IL7: variants seen among roughly 807,000 people sequenced by gnomAD.
IL7 encodes interleukin 7, also known as interleukin-7.
Under a neutral mutation model 21.6 loss-of-function variants are expected in IL7, and 3 were observed. The observed-to-expected ratio is 0.14, with a 90% confidence interval of 0.06 to 0.36. The LOEUF (loss-of-function observed/expected upper bound fraction) is 0.36. Ranked by LOEUF, IL7 falls within the 10% of genes least tolerant of loss-of-function variation. IL7 has a pLI of 1.00. For missense variants in IL7, 175 were observed against 200.2 expected (o/e 0.87, Z 0.76); for synonymous variants, 62 against 68.1 (o/e 0.91, Z 0.44).
rs1170163516 is a variant in IL7, at chr8:78,802,290, T to C, written c.10+2623A>G. ...CAGTGTTTACTGAATGTCCATTGCA[T>C]AGACCTATTTTCACTGATAATTTAA... On this transcript the variant is annotated intron_variant, in intron 1 of 5. Transcript: ENST00000263851. 2.0e-5 allele frequency among the ~76,000 whole-genome samples: 3 copies of C among 152,212 alleles called. No homozygotes were observed. In the East Asian group the frequency reaches 5.8e-4, roughly 29 times the overall value.
At chr8:78,789,687 C>A (rs1454235921) in intron 2 of IL7, among the ~76,000 whole-genome samples, 1 of 151,888 alleles carries the variant, frequency 6.6e-6, no homozygotes, top group African/African-American at 2.4e-5. Context: ...GAAGTGGTCC[C>A]GGTGAGATCT....
At chr8:78,719,659 AGAT>A (rs950971519) in intron 5 of IL7, 1 of 151,744 alleles carries the variant, frequency 6.6e-6, no homozygotes, top group Admixed American at 6.6e-5. Context: ...AGGTTGAAAA[AGAT>A]GATTGTGGTG....
chr8:78,801,498 A>G (rs549521708), intron 1 of IL7, among the ~76,000 whole-genome samples: 58 of 152,176 alleles, frequency 3.8e-4, no homozygotes, highest in Non-Finnish European at 7.1e-4. Context: ...CAAGGCTGCC[A>G]TGAGCCATGA....
At chr8:78,723,338 G>A (rs1280276151) in intron 3 of IL7, among the ~76,000 whole-genome samples, 1 of 151,872 alleles carries the variant, frequency 6.6e-6, no homozygotes, top group East Asian at 1.9e-4. Flanking sequence ...AAATAAATCA[G>A]AAACAATCAT....
chr8:78,691,507 C>A (rs1354039338), intron 3 of IL7, among the ~76,000 whole-genome samples: 11 of 151,780 alleles, frequency 7.2e-5, no homozygotes, highest in Admixed American at 7.2e-4. Flanking sequence ...TTTTGTATTT[C>A]TTTTTTTAAA....
At chr8:78,750,890 T>A (rs1483712768) in intron 2 of IL7, among the ~76,000 whole-genome samples, 1 of 151,832 alleles carries the variant, frequency 6.6e-6, no homozygotes, top group Non-Finnish European at 1.5e-5. Context: ...AATGAAAAAA[T>A]TAGACAACAG....
chr8:78,722,463 G>A (rs1204138876), intron 3 of IL7, among the ~76,000 whole-genome samples: 2 of 151,780 alleles, frequency 1.3e-5, no homozygotes, highest in Admixed American at 6.6e-5. Flanking sequence ...GCAATTTTCA[G>A]GATGTGTAAG....
Position 78,736,597 on chromosome 8 carries a change from A to C in IL7, c.361-70T>G, listed in dbSNP as rs763149770. 5 of 908,192 alleles carry C rather than the reference A, an allele frequency of 5.5e-6. No homozygotes were observed. In the Admixed American group the frequency reaches 6.2e-5, roughly 11 times the overall value. The allele number at this position is 908,192 out of a possible 1,614,324, so 56.3% of individuals were successfully genotyped here. ...GCTCCTCCAGTTGTTTGTAATTGCTAATTTTCATATTGCCTTCAGCTCATC... is the reference window on the plus strand; with the variant it reads ...GCTCCTCCAGTTGTTTGTAATTGCTCATTTTCATATTGCCTTCAGCTCATC... On this transcript the variant is annotated intron_variant, in intron 4 of 5. Transcript: ENST00000263851.
chr8:78,767,505 T>C (rs1310348750), intron 2 of IL7, among the ~76,000 whole-genome samples: 3 of 152,122 alleles, frequency 2.0e-5, no homozygotes, highest in African/African-American at 2.4e-5. Flanking sequence ...TTATATTCTC[T>C]ACCAATCTAA....
intron 2 of IL7, among the ~76,000 whole-genome samples, chr8:78,751,616 T>C (rs181886973): frequency 1.3e-5 from 2 of 152,336 alleles, no homozygotes; most frequent in Admixed American, 6.5e-5. Context: ...ATTTTTACTT[T>C]TTTTCCTTTT....
chr8:78,762,909 C>A (rs908089790), intron 2 of IL7, among the ~76,000 whole-genome samples: 16 of 152,084 alleles, frequency 1.1e-4, no homozygotes, highest in Non-Finnish European at 1.8e-4. Flanking sequence ...GGATTGGCTT[C>A]TTTCATAGAG....
chr8:78,777,742 C>G (rs1380561990), intron 2 of IL7, among the ~76,000 whole-genome samples: 3 of 152,072 alleles, frequency 2.0e-5, no homozygotes, highest in African/African-American at 7.2e-5. Context: ...CCATACTCAA[C>G]AGTGCCAACT....
At chr8:78,779,148 G>A (rs1052344299) in intron 2 of IL7, among the ~76,000 whole-genome samples, 4 of 152,170 alleles carry the variant, frequency 2.6e-5, no homozygotes, top group African/African-American at 9.7e-5. Flanking sequence ...TTTGGGCTGA[G>A]ACAATGGGGT....
downstream of IL7, chr8:78,732,642 C>T (rs1563411706): frequency 6.6e-6 from 1 of 152,022 alleles, no homozygotes; most frequent in Non-Finnish European, 1.5e-5. Context: ...GGTAATGTCT[C>T]ATATTCATTG....
chr8:78,725,286 G>A (rs1470080331), intron 3 of IL7, among the ~76,000 whole-genome samples: 1 of 151,856 alleles, frequency 6.6e-6, no homozygotes, highest in Non-Finnish European at 1.5e-5. Context: ...GGTAGCTGTG[G>A]CAGAGCATCA....
chr8:78,715,255 A>G (rs761638942), downstream of IL7: 1 of 1,613,968 alleles, frequency 6.2e-7, no homozygotes, highest in Non-Finnish European at 8.5e-7. Flanking sequence ...CACACCACCT[A>G]GTTTGGCAAG....
chr8:78,715,235 C>G, downstream of IL7: 1 of 1,613,354 alleles, frequency 6.2e-7, no homozygotes, highest in Non-Finnish European at 8.5e-7. Context: ...AATGTCAAAC[C>G]CCGAAATTCC....
chr8:78,712,224 C>A (rs1810974343), intron 3 of IL7: 1 of 454,114 alleles, frequency 2.2e-6, no homozygotes, highest in Non-Finnish European at 3.5e-6. Flanking sequence ...TGAATAATTT[C>A]TAAGCCAAAA....
At chr8:78,721,297 C>G (rs1219468112) in intron 4 of IL7, 2 of 151,860 alleles carry the variant, frequency 1.3e-5, no homozygotes, top group Non-Finnish European at 2.9e-5. Context: ...TCTTTTCTTC[C>G]TTGTGCCAAT....
Sources: gnomAD v4.1 joint callset for allele counts (sites outside exome capture counted in the v4.1 genomes callset) on GRCh38, gnomAD v4.1.1 for gene constraint, MANE v1.5 for transcripts, NCBI Gene and HGNC (gene_info 2026-07-23, HGNC 2026-07-21) for gene names.